The following SPTBN5 variants were observed in gnomAD, a reference collection of about 807,000 sequenced individuals.
SPTBN5 encodes the protein spectrin beta, non-erythrocytic 5.
Under a neutral mutation model 477.6 loss-of-function variants are expected in SPTBN5, and 513 were observed. That is an observed-to-expected ratio of 1.07 (90% confidence interval 1.00 to 1.16). The LOEUF is 1.16. SPTBN5 is among the 50% of genes most tolerant of loss of function. The probability of loss-of-function intolerance (pLI) is 0.00; values close to 1 mark genes in which losing one functional copy is unlikely to be tolerated. For missense variants in SPTBN5, 5,062 were observed against 4,731.8 expected, an observed-to-expected ratio of 1.07 and a Z score of -2.05; for synonymous variants, 2,169 against 2,011.7, an observed-to-expected ratio of 1.08 and a Z score of -2.09.
In SPTBN5 at chr15:41,880,445, G is replaced by T. The variant is rs1175282241; in HGVS notation, c.2659-133C>A. On this transcript the variant is annotated intron_variant, in intron 13 of 67. Coordinates refer to ENST00000320955, the MANE Select transcript of SPTBN5 (RefSeq NM_016642.4). ...AGGGTCAGGGCCAGAGGGGGTCCCT[G>T]CCTCACTGCTGGGCCCCACATCCTC... The T allele has an allele frequency of 8.5e-6, 8 of 946,476 alleles. No individual in the cohort carries two copies. In the East Asian group the frequency reaches 1.6e-4, roughly 19 times the overall value. 58.6% of individuals were successfully genotyped at this position (946,476 alleles called of 1,614,324 possible).
intron 4 of SPTBN5, among the ~76,000 whole-genome samples, chr15:41,888,764 C>T (rs1243660493): frequency 1.3e-5 from 2 of 152,246 alleles, no homozygotes; most frequent in Admixed American, 6.5e-5. Context: ...CCCAGCCTCA[C>T]TTCCTGTTTA....
rs776557784 is a variant in SPTBN5 at position 41,853,277 on chromosome 15, C to T, written c.10151G>A (p.Ser3384Asn). ...TCACACCTCCGCAGACATGAAGTGG[C>T]TGTTGTCCACCAGCTGCTGTCCTTC... Reference protein sequence around the residue: ...RQEGQQLVDNSHFMSAEVTEC... With the variant: ...RQEGQQLVDNNHFMSAEVTEC... Residue 3384 changes from serine (S) to asparagine (N), a missense_variant, in exon 59 of 68, where the codon AGC becomes AAC. By Grantham distance (46) the Ser-to-Asn change is conservative (BLOSUM62 1). Transcript: ENST00000320955. 6.2e-7 allele frequency: 1 copy of T among 1,608,122 alleles called. No individual in the cohort carries two copies. The highest frequency in any genetic ancestry group is 8.5e-7 in the Non-Finnish European group (1 of 1,176,174).
chr15:41,850,080 C>T, intron 66 of SPTBN5, 121 bp from the exon 67 acceptor site: 1 of 834,130 alleles, frequency 1.2e-6, no homozygotes, highest in Non-Finnish European at 2.0e-6. Flanking sequence ...CTGGCTATGC[C>T]AGGCCCTTCC....
rs1567230947 is a variant in SPTBN5, at chr15:41,886,140, CG to C, written c.1114del (p.Arg372GlyfsTer53). On this transcript the variant is annotated frameshift_variant, in exon 7 of 68. Coordinates refer to ENST00000320955, the MANE Select transcript of SPTBN5 (RefSeq NM_016642.4). LOFTEE classifies it high-confidence loss of function. Reference protein sequence around the residue: ...QRGAAEALLFRLQTALQAQNR... With the variant: ...QRGAAEALLFXLQTALQAQNR... ...CTGGGCTTGGAGTGCTGTCTGTAGC[CG>C]GAAGAGCAGGGCCTCTGCGGCCCCT... is the stretch of plus-strand genomic sequence containing the variant. 3.1e-6 allele frequency: 5 copies of C among 1,611,660 alleles called. No homozygotes were observed. In the South Asian group the frequency reaches 4.4e-5, roughly 14 times the overall value.
At chr15:41,850,975 C>G (rs1357589050) in intron 65 of SPTBN5, 36 bp from the exon 66 acceptor site, 1 of 1,589,904 alleles carries the variant, frequency 6.3e-7, no homozygotes, top group Admixed American at 1.8e-5. Flanking sequence ...CTCCACTGTC[C>G]CTTTGGGGAC....
chr15:41,880,068 C>T (rs1438323515), intron 14 of SPTBN5, 92 bp downstream of exon 14: 43 of 1,468,340 alleles, frequency 2.9e-5, no homozygotes, highest in East Asian at 1.9e-4. Context: ...CCAGGCAGGA[C>T]GGTAGTTAAA....
intron 67 of SPTBN5, 26 bp from the exon 68 acceptor site, chr15:41,848,654 G>C: frequency 6.2e-7 from 1 of 1,613,686 alleles, no homozygotes. Flanking sequence ...AATGAATTTA[G>C]TAGGGTATGG....
rs755515503 is a variant in SPTBN5, at chr15:41,868,237, G to A, written c.6058-19C>T. ...CCTGGACCTGGGGATGGACACATGA[G>A]GAGCCTCAGCTGGGGAGGGTGGTGT... is the stretch of plus-strand genomic sequence containing the variant. On this transcript the variant is annotated intron_variant, in intron 33 of 67. Transcript: ENST00000320955. 3.2e-6 allele frequency: 5 copies of A among 1,579,544 alleles called. No individual in the cohort carries two copies. The African/African-American group carries it at 4.0e-5, about 13-fold the overall frequency.
At position 41,861,818 on chromosome 15, in the gene SPTBN5, C is replaced by T. The variant is rs1302033203; in HGVS notation, c.7654G>A (p.Ala2552Thr). ...PFSSDIRQVL[A>T]GLEQELSSLE... ...CTGCTCAGCTCCTGTTCTAAGCCAG[C>T]CAGCACCTGGCGAATGTCGGAGCTG... Residue 2552 changes from alanine (A) to threonine (T), a missense_variant, in exon 45 of 68, where the codon GCT (alanine) becomes ACT (threonine). By Grantham distance (58) the Ala-to-Thr change is moderately conservative. Coordinates refer to ENST00000320955, the MANE Select transcript of SPTBN5 (RefSeq NM_016642.4). 6.3e-7 allele frequency: 1 copy of T among 1,595,432 alleles called. No homozygotes were observed. Among genetic ancestry groups the T allele is most frequent in the Non-Finnish European group, 8.5e-7 (1 of 1,174,686 alleles).
chr15:41,868,903 G>C (rs535336037), intron 32 of SPTBN5, among the ~76,000 whole-genome samples: 1 of 152,226 alleles, frequency 6.6e-6, no homozygotes, highest in African/African-American at 2.4e-5. Context: ...GCCATGAGAG[G>C]ACTGGCGGCT....
intron 25 of SPTBN5, 91 bp from the exon 26 acceptor site, chr15:41,873,699 A>T: frequency 6.9e-7 from 1 of 1,455,068 alleles, no homozygotes; most frequent in Non-Finnish European, 9.4e-7. Flanking sequence ...CCAGCATCAA[A>T]GGGGCTTCTG....
intron 39 of SPTBN5, among the ~76,000 whole-genome samples, chr15:41,864,233 C>A (rs1196369871): frequency 2.0e-5 from 3 of 152,214 alleles, no homozygotes; most frequent in Non-Finnish European, 4.4e-5. Flanking sequence ...AGCTTGGAGC[C>A]TGCAGCCCCA....
At chr15:41,887,873 C>T in intron 5 of SPTBN5, 55 bp downstream of exon 5, 1 of 1,556,574 alleles carries the variant, frequency 6.4e-7, no homozygotes, top group Middle Eastern at 1.7e-4. Flanking sequence ...AGGACCCAAA[C>T]CCAGGAGCTG....
chr15:41,859,713 A>T (rs1023386161), intron 47 of SPTBN5, among the ~76,000 whole-genome samples: 4 of 152,158 alleles, frequency 2.6e-5, no homozygotes, highest in African/African-American at 7.2e-5. Context: ...GAACCACCTA[A>T]GGTGACTGGG....
rs2066589729 is a variant in SPTBN5, at chr15:41,872,756, A to T, written c.5008-297T>A. On this transcript the variant is annotated intron_variant, in intron 26 of 67. Coordinates refer to ENST00000320955, the MANE Select transcript of SPTBN5 (RefSeq NM_016642.4). ...CCAAGGAAGGGAGGGCACAGGAGGC[A>T]TTAGACTGGACCCCAACATCCATGT... Among the ~76,000 whole-genome samples, 4 of 152,248 alleles carry T rather than the reference A, an allele frequency of 2.6e-5. No homozygotes were observed. The South Asian group carries it at 8.3e-4, about 31-fold the overall frequency.
chr15:41,862,178 G>T lies in SPTBN5; in HGVS notation c.7500C>A (p.Arg2500=), dbSNP rs759324585. 9.3e-6 allele frequency: 15 copies of T among 1,607,500 alleles called. No homozygotes were observed. The highest frequency in any genetic ancestry group is 1.1e-5 in the South Asian group (1 of 90,460). ...ACATACGCCGGGCTTCCACAGGGCT[G>T]CGAGGAGCGGGGCTCGTGTCCATCT... ...RAQMDTSPAP[R]SPVEARRMLE... is the part of the protein sequence containing the mutation. The change falls in exon 44 of 68, where the codon CGC becomes CGA. Residue 2500 remains arginine, a synonymous_variant. Coordinates refer to ENST00000320955, the MANE Select transcript of SPTBN5 (RefSeq NM_016642.4).
chr15:41,857,499 GGT>G lies in SPTBN5; in HGVS notation c.8365-7_8365-6del. 1 of 1,604,630 alleles carries G rather than the reference GGT, an allele frequency of 6.2e-7. No individual in the cohort carries two copies. ...GCTCCGCCGCAGACGCAGGGCCTAG[GGT>G]AGAAAGTGAGGTAGGCAGGAGGGGA... On this transcript the variant is annotated splice_region_variant and splice_polypyrimidine_tract_variant and intron_variant, in intron 50 of 67. Coordinates refer to ENST00000320955, the MANE Select transcript of SPTBN5 (RefSeq NM_016642.4).
In SPTBN5 at chr15:41,857,496, T is replaced by A. The variant is rs895605212; in HGVS notation, c.8365-2A>T. ...CATGCTCCGCCGCAGACGCAGGGCC[T>A]AGGGTAGAAAGTGAGGTAGGCAGGA... On this transcript the variant is annotated splice_acceptor_variant, in intron 50 of 67. Transcript: ENST00000320955. LOFTEE classifies it high-confidence loss of function. 4 of 1,605,624 alleles carry A rather than the reference T, an allele frequency of 2.5e-6. No homozygotes were observed. The highest frequency in any genetic ancestry group is 3.4e-6 in the Non-Finnish European group (4 of 1,174,174).
intron 41 of SPTBN5, among the ~76,000 whole-genome samples, chr15:41,863,246 G>A (rs1358085616): frequency 1.3e-5 from 2 of 152,258 alleles, no homozygotes; most frequent in African/African-American, 4.8e-5. Context: ...GGAGGAAACA[G>A]CCAGGCATGC....
Sources: allele counts gnomAD v4.1 joint callset (sites outside exome capture counted in the v4.1 genomes callset), GRCh38; gene constraint gnomAD v4.1.1; transcripts MANE v1.5; gene names NCBI Gene and HGNC (gene_info 2026-07-23, HGNC 2026-07-21).